The following CDH18 variants were observed in gnomAD, a reference collection of about 807,000 sequenced individuals.
CDH18 encodes cadherin-18.
Under a neutral mutation model 67.9 loss-of-function variants are expected in CDH18, and 31 were observed. The ratio of observed to expected loss-of-function variants is 0.46; its 90% CI spans 0.34 to 0.62. The LOEUF is 0.62. CDH18 is among the 20% of genes least tolerant of loss of function. The pLI, the probability that CDH18 is intolerant of heterozygous loss-of-function variation, is 0.01. For synonymous variants in CDH18, 362 were observed against 347.2 expected (o/e 1.04, Z -0.48); for missense variants, 890 against 975.5 (o/e 0.91, Z 1.17).
chr5:19,776,834 A>G (rs1386170858), intron 3 of CDH18, among the ~76,000 whole-genome samples: 1 of 152,188 alleles, frequency 6.6e-6, no homozygotes, highest in Non-Finnish European at 1.5e-5. Context: ...TTTGAAAAGT[A>G]GAAATAATAA....
At chr5:20,567,324 C>T (rs1175497781) in intron 1 of CDH18, among the ~76,000 whole-genome samples, 4 of 152,168 alleles carry the variant, frequency 2.6e-5, no homozygotes, top group African/African-American at 9.7e-5. Flanking sequence ...TTTACACTCT[C>T]TGTGTTGAAG....
At chr5:20,318,971 A>C (rs1429074330) in intron 1 of CDH18, among the ~76,000 whole-genome samples, 1 of 152,108 alleles carries the variant, frequency 6.6e-6, no homozygotes, top group African/African-American at 2.4e-5. Flanking sequence ...CATGGCATCC[A>C]GACCCTAGAA....
chr5:19,500,399 C>T (rs1296287676), intron 11 of CDH18, among the ~76,000 whole-genome samples: 1 of 151,872 alleles, frequency 6.6e-6, no homozygotes, highest in African/African-American at 2.4e-5. Context: ...GGTACTAAGC[C>T]AGTGATTGTA....
intron 1 of CDH18, among the ~76,000 whole-genome samples, chr5:20,376,091 A>ATTTTTTTTTTTTTTTCTTTTTTTTTT (rs1743399914): frequency 2.0e-5 from 1 of 49,748 alleles, no homozygotes; most frequent in Non-Finnish European, 3.8e-5. Context: ...AAAAGAAACA[A>ATTTTTTTTTTTTTTTCTTTTTTTTTT]TTTTTTTTTT....
intron 10 of CDH18, among the ~76,000 whole-genome samples, chr5:19,514,259 G>T (rs1745577700): frequency 1.3e-5 from 2 of 152,162 alleles, no homozygotes; most frequent in Non-Finnish European, 2.9e-5. Context: ...TGGACATTTG[G>T]GTTGGTTCCA....
At chr5:20,106,278 G>A (rs1366946179) in intron 2 of CDH18, among the ~76,000 whole-genome samples, 1 of 152,164 alleles carries the variant, frequency 6.6e-6, no homozygotes, top group African/African-American at 2.4e-5. Context: ...CTTAGGGGTA[G>A]CAAAGGGTTT....
At chr5:20,557,404 TA>T (rs1231408909) in intron 1 of CDH18, among the ~76,000 whole-genome samples, 1 of 152,162 alleles carries the variant, frequency 6.6e-6, no homozygotes, top group South Asian at 2.1e-4. Flanking sequence ...AATTAAATAT[TA>T]AAAAATCACA....
intron 2 of CDH18, among the ~76,000 whole-genome samples, chr5:20,000,429 A>G (rs1010293015): frequency 5.3e-5 from 8 of 152,364 alleles, no homozygotes; most frequent in African/African-American, 1.9e-4. Context: ...GGAGCTAAAA[A>G]TAAGAGTTTT....
chr5:19,942,278 A>C (rs1036730117), intron 2 of CDH18, among the ~76,000 whole-genome samples: 31 of 152,160 alleles, frequency 2.0e-4, no homozygotes, highest in African/African-American at 7.2e-4. Flanking sequence ...ATTTTCCTTC[A>C]ATGGATTATC....
At chr5:20,000,534 T>G (rs1302384160) in intron 2 of CDH18, among the ~76,000 whole-genome samples, 3 of 152,150 alleles carry the variant, frequency 2.0e-5, no homozygotes, top group African/African-American at 7.2e-5. Context: ...TAGTTTTGGT[T>G]TGAAATATGC....
chr5:20,128,430 G>A (rs1330694614), intron 2 of CDH18, among the ~76,000 whole-genome samples: 2 of 152,034 alleles, frequency 1.3e-5, no homozygotes, highest in Non-Finnish European at 2.9e-5. Context: ...AAATTACTGT[G>A]GTATTAAGCC....
intron 1 of CDH18, among the ~76,000 whole-genome samples, chr5:20,301,782 CTTTTTTCTTTTT>C (rs1735939558): frequency 1.6e-5 from 1 of 61,006 alleles, no homozygotes; most frequent in Non-Finnish European, 3.1e-5. Context: ...TTTGCTCTTT[CTTTTTTCTTTTT>C]TTTTTTTTTT....
At position 20,431,750 on chromosome 5, in the gene CDH18, C is replaced by G. The variant is rs190605492; in HGVS notation, c.-580+143712G>C. Among the ~76,000 whole-genome samples the G allele has an allele frequency of 3.3e-3, 499 of 152,258 alleles. 1 individual carries two copies. Among genetic ancestry groups the G allele is most frequent in the Non-Finnish European group, 5.6e-3 (381 of 68,014 alleles). ...CATTTTGCTGGGCAGAACTCTGAAC[C>G]TCTTCTGATTCTGAGTGCTGCCCAA... On this transcript the variant is annotated intron_variant, in intron 1 of 14. Transcript: ENST00000507958.
chr5:19,597,836 T>A (rs1319497176), intron 6 of CDH18, among the ~76,000 whole-genome samples: 3 of 152,308 alleles, frequency 2.0e-5, no homozygotes, highest in Middle Eastern at 3.4e-3. Context: ...TTTCCACAAA[T>A]ACATATTCAA....
intron 2 of CDH18, among the ~76,000 whole-genome samples, chr5:19,974,010 A>C (rs2150343670): frequency 6.6e-6 from 1 of 152,282 alleles, no homozygotes; most frequent in Admixed American, 6.5e-5. Context: ...CAAATGAAAT[A>C]AATCATTATA....
intron 2 of CDH18, among the ~76,000 whole-genome samples, chr5:20,053,851 G>C (rs1293702253): frequency 6.6e-6 from 1 of 152,060 alleles, no homozygotes; most frequent in Non-Finnish European, 1.5e-5. Flanking sequence ...CTCAACATGG[G>C]TAGGGGGAGA....
At chr5:19,501,919 T>C (rs1189136631) in intron 11 of CDH18, among the ~76,000 whole-genome samples, 1 of 152,212 alleles carries the variant, frequency 6.6e-6, no homozygotes, top group East Asian at 1.9e-4. Flanking sequence ...GTCAGTTAAA[T>C]GCAATTTGTC....
chr5:20,331,551 T>C (rs560151406), intron 1 of CDH18: 4 of 152,318 alleles, frequency 2.6e-5, no homozygotes, highest in African/African-American at 9.6e-5. Context: ...CACTAGTGGT[T>C]TTCTTCACCT....
intron 1 of CDH18, among the ~76,000 whole-genome samples, chr5:20,426,123 A>T (rs1438565608): frequency 6.6e-6 from 1 of 151,262 alleles, no homozygotes; most frequent in East Asian, 1.9e-4. Context: ...TTCCATCTCC[A>T]TCACTTATTG....
Sources: allele counts gnomAD v4.1 joint callset (sites outside exome capture counted in the v4.1 genomes callset), GRCh38; gene constraint gnomAD v4.1.1; transcripts MANE v1.5; gene names NCBI Gene and HGNC (gene_info 2026-07-23, HGNC 2026-07-21).